Variants in EXPH5 observed in about 807,000 individuals in gnomAD.
The protein encoded by EXPH5 is exophilin-5.
In EXPH5, 42 loss-of-function variants were observed where a neutral mutation model predicts 41.1. The observed-to-expected ratio is 1.02, with a 90% CI of 0.80 to 1.32. The LOEUF is 1.32. Ranked by LOEUF, EXPH5 falls within the 40% of genes most tolerant of loss-of-function variation. EXPH5 has a pLI of 0.00. For synonymous variants in EXPH5, 798 were observed against 833.5 expected, an observed-to-expected ratio of 0.96 and a Z score of 0.73; for missense variants, 2,298 against 2,314.5, an observed-to-expected ratio of 0.99 and a Z score of 0.15.
In EXPH5 at chr11:108,591,763, A is replaced by G. The variant is rs138447702; in HGVS notation, c.119+1655T>C. ...TCTATGTGGAGATCCAGTTCCCTCT[A>G]AAGTCAACTGCAGTGGGCATCGTGA... On this transcript the variant is annotated intron_variant, in intron 1 of 5. Coordinates refer to ENST00000265843, the MANE Select transcript of EXPH5 (RefSeq NM_015065.3). Among the ~76,000 whole-genome samples, 322 of 149,420 alleles carry G rather than the reference A, an allele frequency of 2.2e-3. 2 individuals carry two copies. Among genetic ancestry groups the G allele is most frequent in the Admixed American group, 4.4e-3 (65 of 14,932 alleles).
chr11:108,547,503 C>A (rs11212702), intron 1 of EXPH5, among the ~76,000 whole-genome samples: 21 of 152,180 alleles, frequency 1.4e-4, no homozygotes, highest in African/African-American at 5.1e-4. Flanking sequence ...GCATGAACCA[C>A]GGAGCACAGC....
chr11:108,551,507 C>G (rs1200142696), intron 1 of EXPH5, among the ~76,000 whole-genome samples: 1 of 152,146 alleles, frequency 6.6e-6, no homozygotes, highest in Non-Finnish European at 1.5e-5. Flanking sequence ...CTCTGTTTAT[C>G]TCCTCTCTGA....
intron 1 of EXPH5, among the ~76,000 whole-genome samples, chr11:108,563,199 G>A (rs546992839): frequency 1.3e-5 from 2 of 152,304 alleles, no homozygotes; most frequent in Admixed American, 1.3e-4. Context: ...TTGGAGGAAA[G>A]GTAGACTGGT....
At chr11:108,590,148 G>T (rs948152617) in intron 1 of EXPH5, among the ~76,000 whole-genome samples, 3 of 152,152 alleles carry the variant, frequency 2.0e-5, no homozygotes, top group African/African-American at 7.2e-5. Context: ...TCACCAAAAA[G>T]CTTGTAATCA....
intron 1 of EXPH5, among the ~76,000 whole-genome samples, chr11:108,581,004 G>A (rs1199580763): frequency 1.3e-5 from 2 of 152,130 alleles, no homozygotes; most frequent in Admixed American, 1.3e-4. Context: ...GATGACTATA[G>A]GTATTTAATA....
chr11:108,520,890 T>C (rs1384332650), intron 4 of EXPH5, among the ~76,000 whole-genome samples: 1 of 152,228 alleles, frequency 6.6e-6, no homozygotes, highest in African/African-American at 2.4e-5. Flanking sequence ...CTTTGTTTAC[T>C]AACAAATGTT....
intron 1 of EXPH5, among the ~76,000 whole-genome samples, chr11:108,573,445 T>C (rs1170848470): frequency 6.6e-6 from 1 of 152,222 alleles, no homozygotes. Flanking sequence ...TAATGAACTA[T>C]GTATGTTGTA....
At chr11:108,574,414 G>A (rs1026670769) in intron 1 of EXPH5, among the ~76,000 whole-genome samples, 6 of 151,848 alleles carry the variant, frequency 4.0e-5, no homozygotes, top group East Asian at 1.9e-4. Context: ...GGTACATTTG[G>A]CTACATAAAA....
At chr11:108,516,829 G>C (rs2093729770) in intron 5 of EXPH5, among the ~76,000 whole-genome samples, 2 of 152,082 alleles carry the variant, frequency 1.3e-5, no homozygotes, top group African/African-American at 2.4e-5. Context: ...TTACCCCTAG[G>C]ACCTGAAGTA....
chr11:108,518,262 A>G lies in EXPH5; in HGVS notation c.604T>C (p.Ser202Pro). The G allele has an allele frequency of 6.2e-7, 1 of 1,613,892 alleles. No individual in the cohort carries two copies. The highest frequency in any genetic ancestry group is 8.5e-7 in the Non-Finnish European group (1 of 1,179,914). The part of the protein sequence containing the change: ...ESGMPPPWDA[S>P]LLENEFFQVL... ...TGGAAAAACTCATTCTCCAGCAGTG[A>G]AGCATCCCACGGTGGAGGCATGCCA... Residue 202 changes from serine to proline, a missense_variant, in exon 5 of 6, where the codon TCA becomes CCA. Coordinates refer to ENST00000265843, the MANE Select transcript of EXPH5 (RefSeq NM_015065.3).
rs758161398 is a variant in EXPH5 at position 108,511,007 on chromosome 11, A to G, written c.4500T>C (p.Leu1500=). ...CAAAGACTTGACTCTCTGAGTGAGA[A>G]AGTGTTTTATTAGTCATTTTTTGGC... ...TNCQKMTNKT[L]SHSESQVFAL... is the part of the protein sequence containing the mutation. The change falls in exon 6 of 6, where the codon CTT becomes CTC. Residue 1500 remains leucine (L), a synonymous_variant. Transcript: ENST00000265843. 1 of 1,614,164 alleles carries G rather than the reference A, an allele frequency of 6.2e-7. No individual in the cohort carries two copies. Among genetic ancestry groups the G allele is most frequent in the Non-Finnish European group, 8.5e-7 (1 of 1,180,030 alleles).
At chr11:108,562,156 C>G (rs1390732630) in intron 1 of EXPH5, among the ~76,000 whole-genome samples, 2 of 151,744 alleles carry the variant, frequency 1.3e-5, no homozygotes, top group African/African-American at 2.4e-5. Flanking sequence ...CAGCCATAAG[C>G]AGCATGTAGG....
intron 1 of EXPH5, among the ~76,000 whole-genome samples, chr11:108,586,915 A>G (rs1434444017): frequency 6.6e-6 from 1 of 152,000 alleles, no homozygotes; most frequent in Non-Finnish European, 1.5e-5. Flanking sequence ...CCTGAGAAGG[A>G]GAGGGCGATG....
intron 1 of EXPH5, among the ~76,000 whole-genome samples, chr11:108,550,148 T>C (rs1431696056): frequency 6.6e-6 from 1 of 152,188 alleles, no homozygotes; most frequent in Non-Finnish European, 1.5e-5. Flanking sequence ...CTAAGACCAA[T>C]AGAATATGGT....
chr11:108,513,092 G>C lies in EXPH5; in HGVS notation c.2415C>G (p.Gly805=). The change falls in exon 6 of 6, where the codon GGC becomes GGG. Residue 805 remains glycine (G), a synonymous_variant. Coordinates refer to ENST00000265843, the MANE Select transcript of EXPH5 (RefSeq NM_015065.3). ...DKRFTENRKL[G]STASLPFIQE... Reference sequence around the variant, plus strand: ...GAATGAAAGGAAGGGAAGCTGTTGAGCCAAGTTTTCTGTTTTCAGTAAACC... The same window carrying C: ...GAATGAAAGGAAGGGAAGCTGTTGACCCAAGTTTTCTGTTTTCAGTAAACC... 6.2e-7 allele frequency: 1 copy of C among 1,611,424 alleles called. No homozygotes were observed. Among genetic ancestry groups the C allele is most frequent in the Non-Finnish European group, 8.5e-7 (1 of 1,179,278 alleles).
chr11:108,593,606 G>GT lies in EXPH5; in HGVS notation c.-71dup. On this transcript the variant is annotated 5_prime_UTR_variant, in exon 1 of 6. Coordinates refer to ENST00000265843, the MANE Select transcript of EXPH5 (RefSeq NM_015065.3). ...CTGTTAGGAAGGCATTTTTCAACCTGTACAAGACCAGTTTCACGAACTTGA... is the reference window on the plus strand; with the variant it reads ...CTGTTAGGAAGGCATTTTTCAACCTGTTACAAGACCAGTTTCACGAACTTGA... 1 of 1,611,654 alleles carries GT rather than the reference G, an allele frequency of 6.2e-7. No individual in the cohort carries two copies. The highest frequency in any genetic ancestry group is 8.5e-7 in the Non-Finnish European group (1 of 1,178,894).
chr11:108,510,640 T>C lies in EXPH5; in HGVS notation c.4867A>G (p.Ser1623Gly), dbSNP rs1483793750. 1.2e-6 allele frequency: 2 copies of C among 1,614,060 alleles called. No individual in the cohort carries two copies. Among genetic ancestry groups the C allele is most frequent in the African/African-American group, 2.7e-5 (2 of 74,934 alleles). The change falls in exon 6 of 6, where the codon AGT becomes GGT. Residue 1623 changes from serine (S) to glycine (G), a missense_variant. Ser to Gly is a moderately conservative substitution (Grantham distance 56). Transcript: ENST00000265843. The stretch of plus-strand genomic sequence containing the variant: ...TGGTCAAAGCCAGATCTGCTTCCAC[T>C]TTGGGGGAAGATAGTAGCTACATGT... ...RRHVATIFPQ[S>G]GSRSGFDHLS...
intron 4 of EXPH5, among the ~76,000 whole-genome samples, chr11:108,527,176 T>C (rs1207857700): frequency 6.6e-6 from 1 of 151,976 alleles, no homozygotes; most frequent in Non-Finnish European, 1.5e-5. Flanking sequence ...AAAAATTAGC[T>C]GGGTGTGGTG....
chr11:108,513,418 C>G lies in EXPH5; in HGVS notation c.2089G>C (p.Val697Leu). The G allele has an allele frequency of 6.2e-7, 1 of 1,613,332 alleles. No homozygotes were observed. The highest frequency in any genetic ancestry group is 1.1e-5 in the South Asian group (1 of 90,826). Residue 697 changes from valine to leucine, a missense_variant, in exon 6 of 6, where the codon GTA (valine) becomes CTA (leucine). Physicochemically the swap from Val to Leu is conservative, Grantham distance 32. Transcript: ENST00000265843. The stretch of plus-strand genomic sequence containing the variant: ...TCATTTAAGTCTTTCTCATTATTTA[C>G]TTCTGTGACCAAGATATTGGGCTGG... The part of the protein sequence containing the change: ...KSQPNILVTE[V>L]NNEKDLNESI...
Sources: gnomAD v4.1 joint callset for allele counts (sites outside exome capture counted in the v4.1 genomes callset) on GRCh38, gnomAD v4.1.1 for gene constraint, MANE v1.5 for transcripts, NCBI Gene and HGNC (gene_info 2026-07-23, HGNC 2026-07-21) for gene names.